The following SH3PXD2B variants were observed in gnomAD, a reference collection of about 807,000 sequenced individuals.
SH3PXD2B encodes SH3 and PX domain-containing protein 2B.
SH3PXD2B carries 37 observed loss-of-function variants against 73.1 expected under a neutral mutation model. The observed-to-expected ratio is 0.51, with a 90% CI of 0.39 to 0.67. The LOEUF (loss-of-function observed/expected upper bound fraction) is 0.67, where lower values mean the gene tolerates loss of function less well. SH3PXD2B is among the 30% of genes least tolerant of loss of function. The pLI is 0.00. For synonymous variants in SH3PXD2B, 457 were observed against 480.5 expected (o/e 0.95, Z 0.64); for missense variants, 1,053 against 1,197.8 (o/e 0.88, Z 1.78).
At position 172,350,685 on chromosome 5, in the gene SH3PXD2B, G is replaced by T. The variant is rs1757144342; in HGVS notation, c.786-96C>A. ...GGAATCACATGACAGGTCCCAGGGA[G>T]CAGGAACGACGGGTTGTGACTGCCC... On this transcript the variant is annotated intron_variant, in intron 9 of 12. Transcript: ENST00000311601. 2.3e-6 allele frequency: 3 copies of T among 1,284,454 alleles called. No individual in the cohort carries two copies. The East Asian group carries it at 7.5e-5, about 32-fold the overall frequency. 79.6% of individuals were successfully genotyped at this position (1,284,454 alleles called of 1,614,324 possible).
intron 1 of SH3PXD2B, among the ~76,000 whole-genome samples, chr5:172,425,805 A>G (rs1759082275): frequency 6.6e-6 from 1 of 152,106 alleles, no homozygotes; most frequent in Admixed American, 6.5e-5. Flanking sequence ...GAAGAGGGGC[A>G]GGGACACCAG....
intron 1 of SH3PXD2B, among the ~76,000 whole-genome samples, chr5:172,441,374 C>T (rs1055331590): frequency 6.6e-6 from 1 of 152,224 alleles, no homozygotes; most frequent in African/African-American, 2.4e-5. Flanking sequence ...CTGGGGCCAG[C>T]AGGGCGTTAT....
At chr5:172,422,847 C>T (rs148461979) in intron 1 of SH3PXD2B, among the ~76,000 whole-genome samples, 2,157 of 152,298 alleles carry the variant, frequency 0.014, 18 homozygotes, top group South Asian at 0.032. Context: ...ATTCCTAAAA[C>T]CTTGACTTTC....
chr5:172,381,821 T>C (rs1259011634), intron 5 of SH3PXD2B, among the ~76,000 whole-genome samples: 1 of 152,168 alleles, frequency 6.6e-6, no homozygotes, highest in East Asian at 1.9e-4. Flanking sequence ...TATGATGGGA[T>C]GACAGGAGTG....
At position 172,339,840 on chromosome 5, in the gene SH3PXD2B, A is replaced by G. The variant is rs1420591406; in HGVS notation, c.1265T>C (p.Ile422Thr). 11 of 1,614,106 alleles carry G rather than the reference A, an allele frequency of 6.8e-6. No homozygotes were observed. Among genetic ancestry groups the G allele is most frequent in the African/African-American group, 1.3e-5 (1 of 74,944 alleles). The change falls in exon 13 of 13, where the codon ATT (isoleucine) becomes ACT (threonine). Residue 422 changes from isoleucine (I) to threonine (T), a missense_variant. Ile to Thr is a moderately conservative substitution (Grantham distance 89). Coordinates refer to ENST00000311601, the MANE Select transcript of SH3PXD2B (RefSeq NM_001017995.3). This position sits in a 1 kb window ranked among gnomAD's most constrained non-coding sequence, Gnocchi z 6.1. ...DKEGWAPATF[I>T]DKYKKTSNAS... ...GTTGCTCGTCTTCTTGTACTTGTCAATGAAGGTGGCCGGGGCCCACCCTTC... is the reference window on the plus strand; with the variant it reads ...GTTGCTCGTCTTCTTGTACTTGTCAGTGAAGGTGGCCGGGGCCCACCCTTC...
intron 10 of SH3PXD2B, among the ~76,000 whole-genome samples, chr5:172,349,766 C>T (rs1757116850): frequency 6.6e-6 from 1 of 152,188 alleles, no homozygotes; most frequent in Admixed American, 6.5e-5. Context: ...TGGCATGTAG[C>T]AGGTGCTTGA....
intron 12 of SH3PXD2B, among the ~76,000 whole-genome samples, chr5:172,341,595 C>G (rs1275734998): frequency 6.6e-6 from 1 of 152,130 alleles, no homozygotes; most frequent in African/African-American, 2.4e-5. Flanking sequence ...GTACAGCATG[C>G]CCAACTATGA....
At chr5:172,346,772 G>A (rs769104704) in intron 11 of SH3PXD2B, among the ~76,000 whole-genome samples, 2 of 151,544 alleles carry the variant, frequency 1.3e-5, no homozygotes, top group African/African-American at 2.4e-5. Flanking sequence ...ATAAATAGCA[G>A]ACATTAAAAA....
chr5:172,346,404 A>C, intron 11 of SH3PXD2B, 143 bp from the exon 12 acceptor site: 4 of 1,264,972 alleles, frequency 3.2e-6, no homozygotes, highest in Non-Finnish European at 3.4e-6. Context: ...GACAACACAA[A>C]TAGGACCACG....
chr5:172,376,623 T>A (rs942475021), intron 5 of SH3PXD2B, among the ~76,000 whole-genome samples: 1 of 152,090 alleles, frequency 6.6e-6, no homozygotes, highest in African/African-American at 2.4e-5. Context: ...TCTGGCCAGG[T>A]CGGGCTGGGC....
chr5:172,379,026 C>T (rs916267180), intron 5 of SH3PXD2B, among the ~76,000 whole-genome samples: 8 of 146,136 alleles, frequency 5.5e-5, no homozygotes, highest in Admixed American at 1.4e-4. Flanking sequence ...GCCAAGATCG[C>T]GCCACTGCAC....
chr5:172,424,276 G>C (rs60641362), intron 1 of SH3PXD2B, among the ~76,000 whole-genome samples: 46,096 of 152,108 alleles, frequency 0.3, 7,566 homozygotes, highest in East Asian at 0.67. Context: ...GGGCAGGAGA[G>C]AGATCTCTGA....
intron 4 of SH3PXD2B, among the ~76,000 whole-genome samples, chr5:172,390,846 T>A (rs186403240): frequency 0.042 from 6,016 of 143,974 alleles, 200 homozygotes; most frequent in South Asian, 0.19. Context: ...TGTGTGTGTG[T>A]GTGTGTGTGT....
chr5:172,358,642 A>C, intron 8 of SH3PXD2B, 131 bp downstream of exon 8: 1 of 855,302 alleles, frequency 1.2e-6, no homozygotes, highest in Non-Finnish European at 1.9e-6. Context: ...CAGGCCATGG[A>C]GCCTCAGCCA....
intron 6 of SH3PXD2B, 129 bp downstream of exon 6, chr5:172,373,661 C>A (rs1471531406): frequency 1.1e-5 from 12 of 1,072,136 alleles, no homozygotes; most frequent in Non-Finnish European, 1.6e-5. Context: ...TTCCCTCCCT[C>A]CTGCCAACCA....
At chr5:172,359,387 C>CA (rs70982393) in intron 7 of SH3PXD2B, among the ~76,000 whole-genome samples, 1,650 of 84,034 alleles carry the variant, frequency 0.02, 78 homozygotes, top group African/African-American at 0.073. Flanking sequence ...ACCCCCATCT[C>CA]AAAAAAAAAA....
intron 9 of SH3PXD2B, among the ~76,000 whole-genome samples, chr5:172,352,053 T>C (rs1350154306): frequency 2.6e-5 from 4 of 152,182 alleles, no homozygotes; most frequent in African/African-American, 9.7e-5. Context: ...CAGTCAGATC[T>C]TGAGATGACT....
chr5:172,331,313 C>T (rs17074637), downstream of SH3PXD2B, among the ~76,000 whole-genome samples: 1,415 of 152,230 alleles, frequency 9.3e-3, 8 homozygotes, highest in South Asian at 0.017. Context: ...GTGGAGCATG[C>T]GGATTATTTC....
intron 1 of SH3PXD2B, among the ~76,000 whole-genome samples, chr5:172,441,711 G>T (rs946511657): frequency 3.9e-5 from 6 of 152,076 alleles, no homozygotes; most frequent in Non-Finnish European, 7.4e-5. Context: ...TGCCCCAACC[G>T]AATCCAGCCT....
Sources: gnomAD v4.1 joint callset for allele counts (sites outside exome capture counted in the v4.1 genomes callset) on GRCh38, gnomAD v4.1.1 for gene constraint, Gnocchi (gnomAD v3.1) non-coding constraint, MANE v1.5 for transcripts, NCBI Gene and HGNC (gene_info 2026-07-23, HGNC 2026-07-21) for gene names.